The following H2BC18 variants were observed in gnomAD, a reference collection of about 807,000 sequenced individuals.
H2BC18 encodes histone H2B type 2-F.
Under a neutral mutation model 6.3 loss-of-function variants are expected in H2BC18, and 8 were observed. The observed-to-expected ratio is 1.28, with a 90% CI of 0.75 to 2.31. The LOEUF (loss-of-function observed/expected upper bound fraction) is 2.31. H2BC18 is among the 30% of genes most tolerant of loss of function. The probability of loss-of-function intolerance (pLI) is 0.00; values close to 1 mark genes in which losing one functional copy is unlikely to be tolerated. For synonymous variants in H2BC18, 104 were observed against 78.1 expected, an observed-to-expected ratio of 1.33 and a Z score of -1.75; for missense variants, 106 against 174.5, an observed-to-expected ratio of 0.61 and a Z score of 2.21.
At chr1:149,806,423 C>T (rs146802096) in intron 1 of H2BC18, among the ~76,000 whole-genome samples, 7,917 of 152,072 alleles carry the variant, frequency 0.052, 258 homozygotes, top group Non-Finnish European at 0.079. Flanking sequence ...CCCGTCTCTA[C>T]TAAAAATACA....
At chr1:149,806,143 G>A (rs2091914809) in intron 1 of H2BC18, among the ~76,000 whole-genome samples, 1 of 151,764 alleles carries the variant, frequency 6.6e-6, no homozygotes, top group African/African-American at 2.4e-5. Context: ...AGATGCAAGA[G>A]AAGCTGGTAA....
intron 1 of H2BC18, among the ~76,000 whole-genome samples, chr1:149,784,994 G>A (rs2091503505): frequency 6.6e-6 from 1 of 152,046 alleles, no homozygotes; most frequent in Admixed American, 6.5e-5. Flanking sequence ...TAGGGTATCT[G>A]TAAGATAATA....
At chr1:149,792,641 G>A in intron 1 of H2BC18, 1 of 1,271,230 alleles carries the variant, frequency 7.9e-7, no homozygotes, top group Non-Finnish European at 1.0e-6. Flanking sequence ...GCATATTGCA[G>A]CCTCCGCCTG....
At chr1:149,787,293 T>C (rs1486612790) in intron 1 of H2BC18, 2 of 152,222 alleles carry the variant, frequency 1.3e-5, no homozygotes, top group Admixed American at 6.5e-5. Flanking sequence ...GGCACTATTG[T>C]CTCTTTTCCG....
At chr1:149,784,401 T>A (rs2091484521) in intron 1 of H2BC18, 1 of 1,451,872 alleles carries the variant, frequency 6.9e-7, no homozygotes. Context: ...ACTAAATCAG[T>A]ATACTCAAAA....
At position 149,790,124 on chromosome 1, in the gene H2BC18, G is replaced by A. The variant is rs782028457; in HGVS notation, c.378-6864C>T. The A allele has an allele frequency of 6.8e-6, 11 of 1,613,802 alleles. No individual in the cohort carries two copies. In the East Asian group the frequency reaches 2.4e-4, roughly 36 times the overall value. The stretch of plus-strand genomic sequence containing the variant: ...TCCTGGAGGGGAATCTGGTCACCCT[G>A]AGCTGTGAAACAAAGTTGCTCTTGC... On this transcript the variant is annotated intron_variant, in intron 1 of 1. Transcript: ENST00000545683.
At chr1:149,799,393 G>C (rs1196621218) in intron 1 of H2BC18, among the ~76,000 whole-genome samples, 1 of 152,192 alleles carries the variant, frequency 6.6e-6, no homozygotes, top group African/African-American at 2.4e-5. Context: ...GTGAATCTAG[G>C]TGAGGGTCCT....
chr1:149,785,435 G>A (rs1277037912), intron 1 of H2BC18, among the ~76,000 whole-genome samples: 1 of 7,590 alleles, frequency 1.3e-4, no homozygotes, highest in Non-Finnish European at 4.1e-4. Flanking sequence ...TTTTTTTTTT[G>A]AGACAGAGTC....
downstream of H2BC18, chr1:149,811,124 G>A (rs1440523424): frequency 6.6e-6 from 1 of 152,256 alleles, no homozygotes; most frequent in Non-Finnish European, 1.5e-5. Flanking sequence ...GGTTAGGGAT[G>A]TCTTTGGGCG....
chr1:149,798,526 A>C (rs1291382334), intron 1 of H2BC18, among the ~76,000 whole-genome samples: 3 of 151,942 alleles, frequency 2.0e-5, no homozygotes, highest in Non-Finnish European at 2.9e-5. Flanking sequence ...TTAAATGCAA[A>C]CAATTCATGG....
At chr1:149,790,342 A>T (rs1381004033) in intron 1 of H2BC18, 16 of 1,586,218 alleles carry the variant, frequency 1.0e-5, no homozygotes, top group Non-Finnish European at 1.3e-5. Context: ...GTGCTTGGTG[A>T]GTGAGAATGA....
intron 1 of H2BC18, among the ~76,000 whole-genome samples, chr1:149,785,412 T>G (rs1195426404): frequency 7.7e-6 from 1 of 129,864 alleles, no homozygotes; most frequent in African/African-American, 2.8e-5. Context: ...TGTTTCGTTT[T>G]TTTTTTTTTT....
intron 1 of H2BC18, among the ~76,000 whole-genome samples, chr1:149,804,729 T>C (rs2091902446): frequency 6.6e-6 from 1 of 152,256 alleles, no homozygotes; most frequent in Non-Finnish European, 1.5e-5. Flanking sequence ...CATTATGTTT[T>C]CCACTTTACA....
chr1:149,793,992 A>C (rs61807537), intron 1 of H2BC18: 21,652 of 885,650 alleles, frequency 0.024, 359 homozygotes, highest in Non-Finnish European at 0.03. Context: ...TCCAGCCCTG[A>C]GAACCAGACA....
chr1:149,807,961 T>G (rs1338986852), downstream of H2BC18, among the ~76,000 whole-genome samples: 1 of 152,188 alleles, frequency 6.6e-6, no homozygotes, highest in Non-Finnish European at 1.5e-5. Context: ...TTTTGCACTC[T>G]GCAGGTAGGA....
At chr1:149,804,956 A>C (rs587614371) in intron 1 of H2BC18, among the ~76,000 whole-genome samples, 2 of 152,134 alleles carry the variant, frequency 1.3e-5, no homozygotes, top group Non-Finnish European at 2.9e-5. Flanking sequence ...TCTGTTGTTG[A>C]TATTACAGAT....
At chr1:149,786,024 G>A (rs1198545305) in intron 1 of H2BC18, 2 of 151,990 alleles carry the variant, frequency 1.3e-5, no homozygotes, top group South Asian at 2.1e-4. Context: ...ATTCTGCTGA[G>A]GGGCTCGGGT....
chr1:149,809,487 G>T (rs1195598249), downstream of H2BC18, among the ~76,000 whole-genome samples: 3 of 150,480 alleles, frequency 2.0e-5, no homozygotes, highest in African/African-American at 7.4e-5. Context: ...ATTTACTAGA[G>T]TATTTACTAG....
intron 1 of H2BC18, chr1:149,793,219 TG>T: frequency 7.9e-7 from 1 of 1,268,772 alleles, no homozygotes; most frequent in African/African-American, 1.6e-5. Context: ...TTTCTTGGCT[TG>T]TCGCAAGAGC....
Sources: gnomAD v4.1 joint callset for allele counts (sites outside exome capture counted in the v4.1 genomes callset) on GRCh38, gnomAD v4.1.1 for gene constraint, MANE v1.5 for transcripts, NCBI Gene and HGNC (gene_info 2026-07-23, HGNC 2026-07-21) for gene names.